MAP1B: variants seen among roughly 807,000 people sequenced by gnomAD.
The protein encoded by MAP1B is microtubule-associated protein 1B.
In MAP1B, 12 loss-of-function variants were observed where a neutral mutation model predicts 176.1. The observed-to-expected ratio is 0.07, with a 90% CI of 0.04 to 0.11. The LOEUF (loss-of-function observed/expected upper bound fraction) is 0.11. Ranked by LOEUF, MAP1B falls within the 10% of genes least tolerant of loss-of-function variation. MAP1B has a pLI of 1.00. For synonymous variants in MAP1B, 1,044 were observed against 1,135.0 expected (o/e 0.92, Z 1.61); for missense variants, 2,523 against 2,990.5 (o/e 0.84, Z 3.65).
chr5:72,192,523 C>T (rs1747046147), intron 4 of MAP1B, among the ~76,000 whole-genome samples: 1 of 152,126 alleles, frequency 6.6e-6, no homozygotes, highest in Non-Finnish European at 1.5e-5. Flanking sequence ...ATATTGCAGT[C>T]GAATATAGGA....
intron 2 of MAP1B, among the ~76,000 whole-genome samples, chr5:72,121,481 C>T (rs1284340335): frequency 1.3e-5 from 2 of 152,132 alleles, no homozygotes; most frequent in Non-Finnish European, 2.9e-5. Flanking sequence ...TGCCTTTTTC[C>T]TAGAAGATAA....
intron 2 of MAP1B, among the ~76,000 whole-genome samples, chr5:72,138,954 A>G (rs1035343417): frequency 6.6e-6 from 1 of 152,182 alleles, no homozygotes; most frequent in East Asian, 1.9e-4. Context: ...TTTTACAGTC[A>G]GGAAAAAGTA....
intron 2 of MAP1B, among the ~76,000 whole-genome samples, chr5:72,153,703 C>T (rs1016916353): frequency 3.9e-5 from 6 of 152,060 alleles, no homozygotes; most frequent in African/African-American, 9.7e-5. Context: ...CTCTGGGTTC[C>T]CCTTCTGTTA....
At chr5:72,174,591 G>A (rs1410025135) in intron 2 of MAP1B, among the ~76,000 whole-genome samples, 1 of 152,164 alleles carries the variant, frequency 6.6e-6, no homozygotes, top group Admixed American at 6.5e-5. Flanking sequence ...TAGGCTTGCG[G>A]GGGCCACATT....
intron 1 of MAP1B, among the ~76,000 whole-genome samples, chr5:72,111,145 T>G (rs543671797): frequency 6.6e-6 from 1 of 152,326 alleles, no homozygotes; most frequent in South Asian, 2.1e-4. Context: ...ATTTAGCTAG[T>G]GGTTCTCATT....
intron 1 of MAP1B, among the ~76,000 whole-genome samples, chr5:72,108,042 A>T (rs546117405): frequency 6.6e-6 from 1 of 152,298 alleles, no homozygotes; most frequent in East Asian, 1.9e-4. Context: ...CCGCAACCGC[A>T]GGAGGCAGAA....
rs1445326529 is a variant in MAP1B at position 72,148,582 on chromosome 5, A to T, written c.286+32783A>T. On this transcript the variant is annotated intron_variant, in intron 2 of 6. Coordinates refer to ENST00000296755, the MANE Select transcript of MAP1B (RefSeq NM_005909.5). ...GTAGGACCTGGGAATCTGCATTTTG[A>T]ACAAGCTCACAAGATGATTCTTCTG... 3.3e-5 allele frequency among the ~76,000 whole-genome samples: 5 copies of T among 152,222 alleles called. No individual in the cohort carries two copies. In the East Asian group the frequency reaches 9.6e-4, roughly 29 times the overall value.
In MAP1B at chr5:72,115,663, G is replaced by C. The variant is rs771931084; in HGVS notation, c.185-35G>C. 4.4e-6 allele frequency: 5 copies of C among 1,142,900 alleles called. No individual in the cohort carries two copies. The Admixed American group carries it at 8.4e-5, about 19-fold the overall frequency. The allele number at this position is 1,142,900 out of a possible 1,614,324, so 70.8% of individuals were successfully genotyped here. On this transcript the variant is annotated intron_variant, in intron 1 of 6. Transcript: ENST00000296755. ...CCAAACCACTCTGAAATGACTAACT[G>C]GAAGTCTCTCAACTGTCTTTCTTTC...
intron 4 of MAP1B, among the ~76,000 whole-genome samples, chr5:72,188,109 A>G (rs1364479654): frequency 6.6e-6 from 1 of 152,238 alleles, no homozygotes; most frequent in African/African-American, 2.4e-5. Context: ...GCACCTGCAC[A>G]TAGTAAAGGC....
intron 2 of MAP1B, among the ~76,000 whole-genome samples, chr5:72,118,132 C>T: frequency 6.6e-6 from 1 of 152,176 alleles, no homozygotes; most frequent in Non-Finnish European, 1.5e-5. Context: ...TACTTCAGTT[C>T]CCCTGAAATG....
chr5:72,125,798 T>G (rs755790512), intron 2 of MAP1B, among the ~76,000 whole-genome samples: 1 of 152,228 alleles, frequency 6.6e-6, no homozygotes, highest in Non-Finnish European at 1.5e-5. Context: ...GAATCCAGCC[T>G]GAATTAAAAT....
In MAP1B at chr5:72,204,259, T is replaced by C. The variant is rs1471253739; in HGVS notation, c.7251+458T>C. Among the ~76,000 whole-genome samples, 3 of 152,162 alleles carry C rather than the reference T, an allele frequency of 2.0e-5. No homozygotes were observed. The highest frequency in any genetic ancestry group is 4.4e-5 in the Non-Finnish European group (3 of 68,042). ...CATGTGAAATTCCACAGCAGGAGCATTGCTGAATATAGTCCCTCACAGGAC... is the reference window on the plus strand; with the variant it reads ...CATGTGAAATTCCACAGCAGGAGCACTGCTGAATATAGTCCCTCACAGGAC... On this transcript the variant is annotated intron_variant, in intron 6 of 6. Transcript: ENST00000296755. The surrounding 1 kb of genome is among the most constrained non-coding windows in gnomAD (Gnocchi z 4.4).
Position 72,195,419 on chromosome 5 carries a change from C to G in MAP1B, c.2064C>G (p.Ile688Met). ...TGAAAAAAGAAGTCAAAAAAGAGATCAAGAAAGAAGAGAAAAAAGAACCCA... is the reference window on the plus strand; with the variant it reads ...TGAAAAAAGAAGTCAAAAAAGAGATGAAGAAAGAAGAGAAAAAAGAACCCA... ...EEVKKEVKKE[I>M]KKEEKKEPKK... Residue 688 changes from isoleucine to methionine, a missense_variant, in exon 5 of 7, where the codon ATC (isoleucine) becomes ATG (methionine). By Grantham distance (10) the Ile-to-Met change is conservative. Around this residue, in one of 4 missense-constraint regions of MAP1B, gnomAD observed 1,925 missense variants for 2,126.0 expected, o/e 0.91. Transcript: ENST00000296755. 1 of 1,559,566 alleles carries G rather than the reference C, an allele frequency of 6.4e-7. No homozygotes were observed. The highest frequency in any genetic ancestry group is 8.6e-7 in the Non-Finnish European group (1 of 1,156,470).
chr5:72,141,102 G>A (rs568084178), intron 2 of MAP1B, among the ~76,000 whole-genome samples: 5 of 152,114 alleles, frequency 3.3e-5, no homozygotes, highest in Admixed American at 6.5e-5. Flanking sequence ...ATAGGGTACC[G>A]TTCCCTGCAC....
At chr5:72,142,374 G>A (rs1745962699) in intron 2 of MAP1B, among the ~76,000 whole-genome samples, 1 of 152,194 alleles carries the variant, frequency 6.6e-6, no homozygotes, top group South Asian at 2.1e-4. Context: ...ATTTCATCAG[G>A]CAAGGAGGAG....
At chr5:72,122,811 A>T (rs141644898) in intron 2 of MAP1B, among the ~76,000 whole-genome samples, 1 of 152,118 alleles carries the variant, frequency 6.6e-6, no homozygotes, top group Non-Finnish European at 1.5e-5. Flanking sequence ...GGAGATGTCA[A>T]TAACCCCTCC....
intron 2 of MAP1B, among the ~76,000 whole-genome samples, chr5:72,145,043 C>G (rs543298852): frequency 3.9e-5 from 6 of 152,300 alleles, no homozygotes; most frequent in Non-Finnish European, 8.8e-5. Flanking sequence ...AAATCACGCT[C>G]TGTCCAGCTG....
At chr5:72,140,456 A>G (rs1396182190) in intron 2 of MAP1B, among the ~76,000 whole-genome samples, 2 of 152,212 alleles carry the variant, frequency 1.3e-5, no homozygotes, top group Non-Finnish European at 2.9e-5. Flanking sequence ...ACAGTAAAGT[A>G]TTGCAGCCTT....
intron 1 of MAP1B, among the ~76,000 whole-genome samples, chr5:72,110,544 G>A (rs1365994639): frequency 6.6e-6 from 1 of 152,222 alleles, no homozygotes; most frequent in Non-Finnish European, 1.5e-5. Context: ...ACAAGCTGCT[G>A]CTTCAGCCGC....
Sources: gnomAD v4.1 joint callset for allele counts (sites outside exome capture counted in the v4.1 genomes callset) on GRCh38, gnomAD v4.1.1 for gene constraint, gnomAD v4.1.1 regional missense constraint, Gnocchi (gnomAD v3.1) non-coding constraint, MANE v1.5 for transcripts, NCBI Gene and HGNC (gene_info 2026-07-23, HGNC 2026-07-21) for gene names.